REPS1: variants seen among roughly 807,000 people sequenced by gnomAD.
The protein encoded by REPS1 is ralBP1-associated Eps domain-containing protein 1.
Under a neutral mutation model 100.9 loss-of-function variants are expected in REPS1, and 39 were observed. That is an observed-to-expected ratio of 0.39 (90% CI 0.30 to 0.50). The LOEUF is 0.50. Among genes scored for constraint, REPS1 ranks in the 20% least tolerant of loss-of-function variants. The probability of loss-of-function intolerance (pLI) is 0.86; values close to 1 mark genes in which losing one functional copy is unlikely to be tolerated. For missense variants in REPS1, 821 were observed against 968.5 expected (o/e 0.85, Z 2.02); for synonymous variants, 324 against 340.3 (o/e 0.95, Z 0.53).
chr6:138,987,087 A>G (rs1785306093), intron 1 of REPS1, among the ~76,000 whole-genome samples: 1 of 152,238 alleles, frequency 6.6e-6, no homozygotes, highest in Non-Finnish European at 1.5e-5. Flanking sequence ...TCCTAAATCT[A>G]TAGAACTCAC....
At chr6:138,915,398 A>T (rs1210315880) in intron 14 of REPS1, among the ~76,000 whole-genome samples, 1 of 151,488 alleles carries the variant, frequency 6.6e-6, no homozygotes, top group Admixed American at 6.6e-5. Context: ...AGTCATTAAG[A>T]AAAGAAATTG....
At chr6:138,957,113 G>A (rs1783439479) in intron 1 of REPS1, among the ~76,000 whole-genome samples, 1 of 151,840 alleles carries the variant, frequency 6.6e-6, no homozygotes, top group African/African-American at 2.4e-5. Context: ...GAAAATAGAA[G>A]AGTAAATCAT....
At chr6:138,929,338 T>C (rs1290053195) in intron 9 of REPS1, 1 of 152,196 alleles carries the variant, frequency 6.6e-6, no homozygotes, top group Non-Finnish European at 1.5e-5. Context: ...GCCCTTTTGA[T>C]GCTTTACATA....
intron 8 of REPS1, among the ~76,000 whole-genome samples, chr6:138,935,377 G>C (rs941915912): frequency 1.3e-5 from 2 of 152,020 alleles, no homozygotes; most frequent in African/African-American, 2.4e-5. Context: ...ATAGTTCAAA[G>C]AATATTACCT....
intron 1 of REPS1, among the ~76,000 whole-genome samples, chr6:138,948,287 T>C (rs1782769941): frequency 6.6e-6 from 1 of 152,146 alleles, no homozygotes; most frequent in Non-Finnish European, 1.5e-5. Context: ...GTGACGGTCT[T>C]TAAATGATAT....
chr6:138,953,031 T>A (rs971232820), intron 1 of REPS1, among the ~76,000 whole-genome samples: 2 of 151,838 alleles, frequency 1.3e-5, no homozygotes, highest in Admixed American at 6.6e-5. Context: ...GAAATGGGGT[T>A]TCTCCATGTT....
intron 1 of REPS1, among the ~76,000 whole-genome samples, chr6:138,979,202 A>AC (rs1784787118): frequency 6.6e-6 from 1 of 150,508 alleles, no homozygotes; most frequent in African/African-American, 2.4e-5. Context: ...AAAAAACAAA[A>AC]AAAAAAAACT....
chr6:138,931,483 T>C (rs966220563), intron 8 of REPS1, among the ~76,000 whole-genome samples: 3 of 152,194 alleles, frequency 2.0e-5, no homozygotes, highest in African/African-American at 7.2e-5. Flanking sequence ...AATATTTCCT[T>C]TTTACTTACC....
rs1323339741 is a variant in REPS1 at position 138,907,313 on chromosome 6, AGTG to A, written c.2322+179_2322+181del. 1,157 of 135,184 alleles carry A rather than the reference AGTG, an allele frequency of 8.6e-3. 17 individuals carry two copies. The highest frequency in any genetic ancestry group is 0.035 in the African/African-American group (1,031 of 29,290). 8.4% of individuals were successfully genotyped at this position (135,184 alleles called of 1,614,324 possible). A position where few individuals can be genotyped will look rare whatever the true frequency, so the allele number is the denominator to read the frequency against. On this transcript the variant is annotated intron_variant, in intron 19 of 19. Coordinates refer to ENST00000450536, the MANE Select transcript of REPS1 (RefSeq NM_001286611.2). Reference sequence around the variant, plus strand: ...GTGTCTCTTTAAAAAAAAAAAAAAAAGTGTGTGTGTGTGTGTGTGTGTGTGTGG... The same window carrying A: ...GTGTCTCTTTAAAAAAAAAAAAAAAATGTGTGTGTGTGTGTGTGTGTGTGG...
At chr6:138,932,627 A>G (rs889284346) in intron 8 of REPS1, among the ~76,000 whole-genome samples, 4 of 152,218 alleles carry the variant, frequency 2.6e-5, no homozygotes, top group Non-Finnish European at 5.9e-5. Context: ...TTTCTGCTGC[A>G]TATGTAAGTA....
chr6:138,923,530 C>A (rs1364658505), intron 10 of REPS1, among the ~76,000 whole-genome samples: 2 of 152,196 alleles, frequency 1.3e-5, no homozygotes, highest in African/African-American at 4.8e-5. Context: ...GCAGTGCAAT[C>A]AATCACAGCA....
chr6:138,907,475 A>T lies in REPS1; in HGVS notation c.2322+20T>A. 1.3e-6 allele frequency: 2 copies of T among 1,545,434 alleles called. No homozygotes were observed. The highest frequency in any genetic ancestry group is 1.8e-6 in the Non-Finnish European group (2 of 1,118,840). On this transcript the variant is annotated intron_variant, in intron 19 of 19. Transcript: ENST00000450536. ...TTTACTAAGATAAGGAACATTATAA[A>T]GATTCAGAAACTATATTACCTTTAA... is the stretch of plus-strand genomic sequence containing the variant.
intron 8 of REPS1, among the ~76,000 whole-genome samples, chr6:138,936,683 C>T (rs866264061): frequency 2.7e-5 from 4 of 148,682 alleles, no homozygotes; most frequent in East Asian, 2.0e-4. Flanking sequence ...AGCATTAGTG[C>T]GTATTTTCAT....
intron 1 of REPS1, among the ~76,000 whole-genome samples, chr6:138,972,167 T>C (rs1332537275): frequency 4.0e-5 from 6 of 151,758 alleles, no homozygotes; most frequent in Non-Finnish European, 8.8e-5. Flanking sequence ...TCAGTGAGAG[T>C]GAAGTTGTTC....
At chr6:138,923,604 C>A (rs1780918000) in intron 10 of REPS1, among the ~76,000 whole-genome samples, 1 of 152,162 alleles carries the variant, frequency 6.6e-6, no homozygotes, top group South Asian at 2.1e-4. Context: ...CATGTATATC[C>A]TAGCAGAAGC....
intron 17 of REPS1, among the ~76,000 whole-genome samples, chr6:138,910,453 A>C (rs966934032): frequency 3.9e-5 from 6 of 152,042 alleles, no homozygotes; most frequent in Non-Finnish European, 8.8e-5. Context: ...TCCCAGGCTC[A>C]AGCGATCCCC....
intron 12 of REPS1, among the ~76,000 whole-genome samples, chr6:138,918,732 T>C (rs726091): frequency 0.6 from 91,436 of 152,066 alleles, 27,941 homozygotes; most frequent in Non-Finnish European, 0.66. Context: ...ACAATAATAA[T>C]AATTATGAAA....
At chr6:138,915,363 A>AT (rs1244750220) in intron 14 of REPS1, among the ~76,000 whole-genome samples, 1 of 134,020 alleles carries the variant, frequency 7.5e-6, no homozygotes, top group African/African-American at 2.9e-5. Flanking sequence ...CATCTTCATT[A>AT]TTTGCACTCA....
chr6:138,907,457 A>C, intron 19 of REPS1, 38 bp downstream of exon 19: 3 of 1,428,980 alleles, frequency 2.1e-6, no homozygotes, highest in Non-Finnish European at 3.0e-6. Context: ...TTCTTTACTA[A>C]GATAAGGAAC....
Sources: gnomAD v4.1 joint callset for allele counts (sites outside exome capture counted in the v4.1 genomes callset) on GRCh38, gnomAD v4.1.1 for gene constraint, MANE v1.5 for transcripts, NCBI Gene and HGNC (gene_info 2026-07-23, HGNC 2026-07-21) for gene names.